The following ANKRD44 variants were observed in gnomAD, a reference collection of about 807,000 sequenced individuals.
ANKRD44 encodes the protein ankyrin repeat domain 44, also known as serine/threonine-protein phosphatase 6 regulatory ankyrin repeat subunit B.
ANKRD44 carries 35 observed loss-of-function variants against 116.0 expected under a neutral mutation model. That is an observed-to-expected ratio of 0.30 (90% CI 0.23 to 0.40). ANKRD44 has a LOEUF of 0.40. Ranked by LOEUF, ANKRD44 falls within the 10% of genes least tolerant of loss-of-function variation. The pLI is 1.00. For synonymous variants in ANKRD44, 435 were observed against 461.8 expected, an observed-to-expected ratio of 0.94 and a Z score of 0.74; for missense variants, 1,014 against 1,242.6, an observed-to-expected ratio of 0.82 and a Z score of 2.77.
At chr2:196,978,375 T>C in intron 21 of ANKRD44, among the ~76,000 whole-genome samples, 1 of 152,198 alleles carries the variant, frequency 6.6e-6, no homozygotes. Flanking sequence ...TGCAGAATCA[T>C]GAGCCAAAAT....
intron 1 of ANKRD44, among the ~76,000 whole-genome samples, chr2:197,237,460 CCTT>C (rs2082001842): frequency 6.6e-6 from 1 of 152,234 alleles, no homozygotes; most frequent in South Asian, 2.1e-4. Context: ...CTGCTGAACT[CCTT>C]CTGTGGGATT....
At chr2:197,059,511 G>A (rs960749482) in intron 16 of ANKRD44, among the ~76,000 whole-genome samples, 6 of 152,148 alleles carry the variant, frequency 3.9e-5, no homozygotes, top group African/African-American at 1.4e-4. Flanking sequence ...TGAAACACTA[G>A]CTAAAGACCA....
At chr2:197,106,623 A>G (rs1291942513) in intron 9 of ANKRD44, among the ~76,000 whole-genome samples, 1 of 151,670 alleles carries the variant, frequency 6.6e-6, no homozygotes, top group African/African-American at 2.4e-5. Context: ...GCCCATCTCT[A>G]TTAAAAAACA....
chr2:197,174,805 A>C (rs761967971), intron 2 of ANKRD44, among the ~76,000 whole-genome samples: 79 of 152,208 alleles, frequency 5.2e-4, no homozygotes, highest in Non-Finnish European at 1.0e-3. Context: ...AATTCACTAC[A>C]TATGTCAGGT....
intron 1 of ANKRD44, among the ~76,000 whole-genome samples, chr2:197,307,410 C>T (rs1412658044): frequency 6.6e-6 from 1 of 151,912 alleles, no homozygotes; most frequent in African/African-American, 2.4e-5. Context: ...GGTTAGTGCC[C>T]CCTAAGGCTG....
chr2:197,013,818 C>T, intron 17 of ANKRD44, 106 bp from the exon 18 acceptor site: 2 of 1,092,728 alleles, frequency 1.8e-6, no homozygotes, highest in Non-Finnish European at 2.7e-6. Flanking sequence ...GAGACCACTC[C>T]CAAGAGCACG....
chr2:197,068,355 G>T (rs1279843944), intron 16 of ANKRD44, among the ~76,000 whole-genome samples: 2 of 117,790 alleles, frequency 1.7e-5, no homozygotes, highest in Non-Finnish European at 3.6e-5. Flanking sequence ...AAAACTTAGA[G>T]TATAATAAAA....
chr2:197,214,748 G>T (rs2081406028), intron 1 of ANKRD44, among the ~76,000 whole-genome samples: 1 of 152,188 alleles, frequency 6.6e-6, no homozygotes, highest in Non-Finnish European at 1.5e-5. Context: ...ACAGAAGCCT[G>T]CCAATCCCAG....
At chr2:197,008,050 C>T in intron 19 of ANKRD44, 127 bp from the exon 20 acceptor site, 1 of 669,876 alleles carries the variant, frequency 1.5e-6, no homozygotes, top group Non-Finnish European at 2.6e-6. Flanking sequence ...TTAATATTTT[C>T]TAAGTGTCCC....
At position 197,279,383 on chromosome 2, in the gene ANKRD44, A is replaced by G. The variant is rs13396049; in HGVS notation, c.27+31195T>C. Among the ~76,000 whole-genome samples the G allele has an allele frequency of 2.9e-3, 439 of 152,282 alleles. 2 individuals carry two copies. The highest frequency in any genetic ancestry group is 0.01 in the African/African-American group (419 of 41,566). On this transcript the variant is annotated intron_variant, in intron 1 of 27. Coordinates refer to ENST00000282272, the MANE Select transcript of ANKRD44 (RefSeq NM_001195144.2). ...TATATACATCATGGTTAGATTATTC[A>G]TCCTAAAACACCACTTGGCACACAT...
chr2:197,187,236 A>G lies in ANKRD44; in HGVS notation c.28-130T>C, dbSNP rs561899749. ...TATCAGTTGGCAGACAAAGATGAAT[A>G]AGACTCAGACCAACCCTTACAAGAA... On this transcript the variant is annotated intron_variant, in intron 1 of 27. Transcript: ENST00000282272. The G allele has an allele frequency of 1.7e-5, 14 of 846,812 alleles. No homozygotes were observed. In the Admixed American group the frequency reaches 1.7e-4, roughly 10 times the overall value. 52.5% of individuals were successfully genotyped at this position (846,812 alleles called of 1,614,324 possible).
At chr2:197,263,230 C>T (rs1042371803) in intron 1 of ANKRD44, 4 of 523,586 alleles carry the variant, frequency 7.6e-6, no homozygotes, top group Non-Finnish European at 1.4e-5. Flanking sequence ...CAGGTGAGAA[C>T]CTCAGCAGCT....
chr2:197,180,256 C>A (rs549493066), intron 2 of ANKRD44, among the ~76,000 whole-genome samples: 1 of 152,320 alleles, frequency 6.6e-6, no homozygotes, highest in East Asian at 1.9e-4. Context: ...CGGTGACCTG[C>A]AGGCCGGATT....
chr2:197,086,875 T>C, intron 12 of ANKRD44, 127 bp from the exon 13 acceptor site: 1 of 744,360 alleles, frequency 1.3e-6, no homozygotes, highest in Non-Finnish European at 2.1e-6. Context: ...ATTCCGCTAA[T>C]AAAAACCTGA....
intron 1 of ANKRD44, chr2:197,263,206 AC>A: frequency 2.0e-6 from 1 of 492,818 alleles, no homozygotes; most frequent in Non-Finnish European, 3.8e-6. Context: ...TGCTGAAATG[AC>A]CAGAGACACT....
chr2:197,183,354 C>A (rs1310183546), intron 2 of ANKRD44, among the ~76,000 whole-genome samples: 2 of 152,208 alleles, frequency 1.3e-5, no homozygotes, highest in Admixed American at 6.5e-5. Context: ...ACAAATATGG[C>A]CTTCCAAGTT....
chr2:197,000,372 AG>A (rs1260456151), intron 23 of ANKRD44, 46 bp downstream of exon 23: 2 of 1,458,278 alleles, frequency 1.4e-6, no homozygotes, highest in South Asian at 1.2e-5. Flanking sequence ...TGCAAAGCAG[AG>A]GGTAAGATTC....
chr2:197,080,582 A>G (rs2077770337), intron 15 of ANKRD44, among the ~76,000 whole-genome samples: 1 of 152,092 alleles, frequency 6.6e-6, no homozygotes, highest in Admixed American at 6.5e-5. Context: ...GTCTTTTAAT[A>G]TTGTTATTTT....
chr2:197,064,717 T>C (rs1005888142), intron 16 of ANKRD44, among the ~76,000 whole-genome samples: 4 of 152,124 alleles, frequency 2.6e-5, no homozygotes. Flanking sequence ...GGCCATTACA[T>C]AATGGTAAAG....
Sources: gnomAD v4.1 joint callset for allele counts (sites outside exome capture counted in the v4.1 genomes callset) on GRCh38, gnomAD v4.1.1 for gene constraint, MANE v1.5 for transcripts, NCBI Gene and HGNC (gene_info 2026-07-23, HGNC 2026-07-21) for gene names.